ALPL: variants seen among roughly 807,000 people sequenced by gnomAD.
ALPL encodes alkaline phosphatase, tissue-nonspecific isozyme.
Under a neutral mutation model 51.3 loss-of-function variants are expected in ALPL, and 42 were observed. The observed-to-expected ratio is 0.82, with a 90% CI of 0.64 to 1.06. The LOEUF (loss-of-function observed/expected upper bound fraction) is 1.06, where lower values mean the gene tolerates loss of function less well. Among genes scored for constraint, ALPL ranks in the 50% least tolerant of loss-of-function variants. The pLI, the probability that ALPL is intolerant of heterozygous loss-of-function variation, is 0.00. For synonymous variants in ALPL, 279 were observed against 296.4 expected (o/e 0.94, Z 0.60); for missense variants, 589 against 709.4 (o/e 0.83, Z 1.93).
intron 1 of ALPL, among the ~76,000 whole-genome samples, chr1:21,548,878 T>C (rs1393188476): frequency 1.3e-5 from 2 of 152,162 alleles, no homozygotes; most frequent in Admixed American, 6.5e-5. Context: ...TGGGGGTGGT[T>C]TGCACTTACA....
At chr1:21,511,136 AT>A (rs1454972134) in intron 1 of ALPL, among the ~76,000 whole-genome samples, 2 of 152,256 alleles carry the variant, frequency 1.3e-5, no homozygotes, top group African/African-American at 4.8e-5. Flanking sequence ...GCCACAGTAA[AT>A]CAGCCAAAAG....
At position 21,577,836 on chromosome 1, in the gene ALPL, C is replaced by T. The variant is rs1488141233; in HGVS notation, c.*188C>T. 1.1e-5 allele frequency: 8 copies of T among 758,770 alleles called. No homozygotes were observed. Among genetic ancestry groups the T allele is most frequent in the South Asian group, 1.9e-5 (1 of 53,858 alleles). 47.0% of individuals were successfully genotyped at this position (758,770 alleles called of 1,614,324 possible). ...GAATCTTCCCCAAGGGCCAAACCCA[C>T]TTCTGGCCTCCAGCCTTTGCTCCCT... On this transcript the variant is annotated 3_prime_UTR_variant, in exon 12 of 12. Coordinates refer to ENST00000374840, the MANE Select transcript of ALPL (RefSeq NM_000478.6).
At position 21,564,247 on chromosome 1, in the gene ALPL, G is replaced by A. The variant is rs761144902; in HGVS notation, c.648+31G>A. ...TGCTCGGGGGCAGCCGGGCAGGGAC[G>A]GGGTGAGGCGGGGCCTCTGGTGGGC... On this transcript the variant is annotated intron_variant, in intron 6 of 11. Coordinates refer to ENST00000374840, the MANE Select transcript of ALPL (RefSeq NM_000478.6). This position sits in a 1 kb window ranked among gnomAD's most constrained non-coding sequence, Gnocchi z 5.8. 6.2e-6 allele frequency: 10 copies of A among 1,610,576 alleles called. No individual in the cohort carries two copies. In the Admixed American group the frequency reaches 1.0e-4, roughly 16 times the overall value.
At chr1:21,529,864 C>G (rs1490781792) in intron 1 of ALPL, among the ~76,000 whole-genome samples, 2 of 152,080 alleles carry the variant, frequency 1.3e-5, no homozygotes, top group Non-Finnish European at 2.9e-5. Flanking sequence ...CTCGACCTCC[C>G]GAGCTCAAGT....
Position 21,564,786 on chromosome 1 carries a change from T to C in ALPL, c.648+570T>C, listed in dbSNP as rs1644539594. On this transcript the variant is annotated intron_variant, in intron 6 of 11. Transcript: ENST00000374840. The surrounding 1 kb of genome is among the most constrained non-coding windows in gnomAD (Gnocchi z 5.8). ...GAACTGTACCTGCCTCATAAGCTTA[T>C]GCCAAGAACTGATTAAGATAATCCC... Among the ~76,000 whole-genome samples the C allele has an allele frequency of 6.6e-6, 1 of 152,178 alleles. No homozygotes were observed. The highest frequency in any genetic ancestry group is 1.5e-5 in the Non-Finnish European group (1 of 68,038).
chr1:21,565,926 C>A (rs553269300), intron 6 of ALPL, among the ~76,000 whole-genome samples: 1 of 152,070 alleles, frequency 6.6e-6, no homozygotes, highest in African/African-American at 2.4e-5. Flanking sequence ...TTAATGAGCC[C>A]GTGTGAAGTC....
intron 1 of ALPL, among the ~76,000 whole-genome samples, chr1:21,548,295 G>A (rs2148123842): frequency 6.6e-6 from 1 of 152,366 alleles, no homozygotes; most frequent in Non-Finnish European, 1.5e-5. Flanking sequence ...GGGCCAGCAG[G>A]GAGGCTCTGG....
At chr1:21,544,732 T>C (rs1303146589) in intron 1 of ALPL, among the ~76,000 whole-genome samples, 2 of 152,110 alleles carry the variant, frequency 1.3e-5, no homozygotes, top group Non-Finnish European at 2.9e-5. Flanking sequence ...GGCGACAAAG[T>C]GAAACTGTCT....
intron 1 of ALPL, among the ~76,000 whole-genome samples, chr1:21,552,232 C>T (rs1401864904): frequency 6.7e-6 from 1 of 149,130 alleles, no homozygotes; most frequent in African/African-American, 2.5e-5. Context: ...ACCTGTAATC[C>T]CAGCACTTTG....
At chr1:21,568,375 A>G (rs1257518557) in intron 7 of ALPL, 128 bp downstream of exon 7, 7 of 1,295,824 alleles carry the variant, frequency 5.4e-6, no homozygotes, top group Non-Finnish European at 7.5e-6. Flanking sequence ...CATGGGCTCA[A>G]ATGGCCTAAG....
chr1:21,509,176 G>C (rs950475091), upstream of ALPL, among the ~76,000 whole-genome samples: 2 of 152,070 alleles, frequency 1.3e-5, no homozygotes, highest in African/African-American at 2.4e-5. The surrounding 1 kb of genome is among the most constrained non-coding windows in gnomAD (Gnocchi z 6.0). Flanking sequence ...CAGAGAGACC[G>C]AGAGTGCGGG....
At chr1:21,545,082 CT>C (rs763759640) in intron 1 of ALPL, among the ~76,000 whole-genome samples, 2 of 152,084 alleles carry the variant, frequency 1.3e-5, no homozygotes, top group African/African-American at 4.8e-5. Context: ...ACATCAGTGA[CT>C]CGTTTTGGTC....
chr1:21,519,729 G>A (rs1643864749), intron 1 of ALPL, among the ~76,000 whole-genome samples: 1 of 152,192 alleles, frequency 6.6e-6, no homozygotes, highest in South Asian at 2.1e-4. Flanking sequence ...TCCGGGAGGC[G>A]GAGGTTGCAG....
chr1:21,517,557 T>G (rs958742434), intron 1 of ALPL, among the ~76,000 whole-genome samples: 3 of 152,148 alleles, frequency 2.0e-5, no homozygotes, highest in African/African-American at 7.2e-5. Context: ...CACCAGCGTC[T>G]GTTCTCCCAG....
chr1:21,576,465 T>C, intron 10 of ALPL, 57 bp from the exon 11 acceptor site: 4 of 1,601,446 alleles, frequency 2.5e-6, no homozygotes, highest in Non-Finnish European at 3.4e-6. Context: ...ATCTGGGGGC[T>C]GGGGACTGTA....
intron 1 of ALPL, among the ~76,000 whole-genome samples, chr1:21,515,278 A>G (rs922259391): frequency 2.6e-5 from 4 of 152,160 alleles, no homozygotes; most frequent in African/African-American, 7.2e-5. Context: ...GGGCCCTGCT[A>G]TGTTGCTCAG....
In ALPL at chr1:21,568,111, T is replaced by C. The variant is rs1558552205; in HGVS notation, c.656T>C (p.Met219Thr). 1 of 1,613,994 alleles carries C rather than the reference T, an allele frequency of 6.2e-7. No homozygotes were observed. The highest frequency in any genetic ancestry group is 1.1e-5 in the South Asian group (1 of 91,068). Residue 219 changes from methionine (M) to threonine (T), a missense_variant, in exon 7 of 12, where the codon ATG becomes ACG. Transcript: ENST00000374840. ...MHNIRDIDVI[M>T]GGGRKYMYPK... ...GGCTCCTGTCTCTTTTAGGTGATCA[T>C]GGGGGGTGGCCGGAAATACATGTAC...
At chr1:21,560,900 C>A (rs770421825) in intron 3 of ALPL, among the ~76,000 whole-genome samples, 155 bp downstream of exon 3, 1 of 152,130 alleles carries the variant, frequency 6.6e-6, no homozygotes, top group Non-Finnish European at 1.5e-5. Flanking sequence ...ATTCAAGAGG[C>A]CTGCTCTGCC....
intron 1 of ALPL, among the ~76,000 whole-genome samples, chr1:21,521,571 C>T (rs1643883879): frequency 6.6e-6 from 1 of 152,250 alleles, no homozygotes; most frequent in Non-Finnish European, 1.5e-5. Context: ...GGATGCCCCA[C>T]TGGGTGTGAC....
Sources: allele counts gnomAD v4.1 joint callset (sites outside exome capture counted in the v4.1 genomes callset), GRCh38; gene constraint gnomAD v4.1.1; non-coding constraint Gnocchi (gnomAD v3.1); transcripts MANE v1.5; gene names NCBI Gene and HGNC (gene_info 2026-07-23, HGNC 2026-07-21).